MTSS2: variants seen among roughly 807,000 people sequenced by gnomAD.
MTSS2 encodes the protein protein MTSS 2.
A neutral mutation model predicts 67.1 loss-of-function variants in MTSS2; 27 were observed. That is an observed-to-expected ratio of 0.40 (90% CI 0.30 to 0.55). MTSS2 has a LOEUF of 0.55. Among genes scored for constraint, MTSS2 ranks in the 20% least tolerant of loss-of-function variants. The pLI is 0.43. For synonymous variants in MTSS2, 624 were observed against 468.6 expected (o/e 1.33, Z -4.28); for missense variants, 1,171 against 1,067.8 (o/e 1.10, Z -1.35).
Position 70,665,518 on chromosome 16 carries a change from G to T in MTSS2, c.1076C>A (p.Ser359Tyr). 4 of 1,548,522 alleles carry T rather than the reference G, an allele frequency of 2.6e-6. No homozygotes were observed. Among genetic ancestry groups the T allele is most frequent in the Non-Finnish European group, 3.5e-6 (4 of 1,147,418 alleles). ...TSQKSSSSASSEASETCQSVS... is the reference protein window; with the variant it reads ...TSQKSSSSASYEASETCQSVS... ...GGACTGGCAGGTTTCCGAGGCCTCGGAAGATGCAGAGCTGGAGGACTTCTG... is the reference window on the plus strand; with the variant it reads ...GGACTGGCAGGTTTCCGAGGCCTCGTAAGATGCAGAGCTGGAGGACTTCTG... Residue 359 changes from serine to tyrosine, a missense_variant, in exon 12 of 15, where the codon TCC (serine) becomes TAC (tyrosine). Coordinates refer to ENST00000338779, the MANE Select transcript of MTSS2 (RefSeq NM_138383.3).
At position 70,685,784 on chromosome 16, in the gene MTSS2, G is replaced by C. The variant is rs1399790841; in HGVS notation, c.8C>G (p.Thr3Arg). 7.3e-7 allele frequency: 1 copy of C among 1,371,572 alleles called. No homozygotes were observed. Among genetic ancestry groups the C allele is most frequent in the Admixed American group, 2.1e-5 (1 of 46,952 alleles). 85.0% of individuals were successfully genotyped at this position (1,371,572 alleles called of 1,614,324 possible). A position where few individuals can be genotyped will look rare whatever the true frequency, so the allele number is the denominator to read the frequency against. The stretch of plus-strand genomic sequence containing the variant: ...CAGGGCGCCGCACTCCTTCTCCGCC[G>C]TCTCCATGCTCTGGCTGGGCCGGGC... The part of the protein sequence containing the change: ME[T>R]AEKECGALGG... Residue 3 changes from threonine (T) to arginine (R), a missense_variant, in exon 1 of 15, where the codon ACG (threonine) becomes AGG (arginine). Physicochemically the swap from Thr to Arg is moderately conservative, Grantham distance 71. This residue lies in a region of MTSS2 where 247 missense variants were observed against 311.8 expected (regional missense o/e 0.79). Transcript: ENST00000338779.
rs962975247 is a variant in MTSS2, at chr16:70,661,456, TAAC to T, written c.*2218_*2220del. The stretch of plus-strand genomic sequence containing the variant: ...GAATAAATTAAAAAAAGGAACGAGT[TAAC>T]AACAGCACCAGGAAAGTTACTTCAG... On this transcript the variant is annotated 3_prime_UTR_variant, in exon 15 of 15. Transcript: ENST00000338779. 1.9e-5 allele frequency: 7 copies of T among 368,376 alleles called. No individual in the cohort carries two copies. Among genetic ancestry groups the T allele is most frequent in the Admixed American group, 3.4e-5 (1 of 29,340 alleles). The allele number at this position is 368,376 out of a possible 1,614,324, so 22.8% of individuals were successfully genotyped here.
intron 11 of MTSS2, among the ~76,000 whole-genome samples, chr16:70,668,142 G>A (rs1447589912): frequency 1.3e-5 from 2 of 152,130 alleles, no homozygotes; most frequent in East Asian, 3.9e-4. Context: ...GCTGGGTGCA[G>A]TGGCTAATGC....
In MTSS2 at chr16:70,663,920, C is replaced by T; in HGVS notation, c.2001G>A (p.Leu667=). The T allele has an allele frequency of 6.4e-7, 1 of 1,551,796 alleles. No individual in the cohort carries two copies. The highest frequency in any genetic ancestry group is 8.7e-7 in the Non-Finnish European group (1 of 1,150,614). The change falls in exon 15 of 15, where the codon CTG becomes CTA. Residue 667 remains leucine (L), a synonymous_variant. Transcript: ENST00000338779. Reference sequence around the variant, plus strand: ...CCACCAGGCTGTGCCGGTTGGCCGCCAGCTGCTGCTGCTCGTCCTCGGCCC... The same window carrying T: ...CCACCAGGCTGTGCCGGTTGGCCGCTAGCTGCTGCTGCTCGTCCTCGGCCC... ...GAGAEDEQQQ[L]AANRHSLVEK...
rs141031080 is a variant in MTSS2, at chr16:70,668,063, G to A, written c.1054-2523C>T. Among the ~76,000 whole-genome samples, 472 of 149,638 alleles carry A rather than the reference G, an allele frequency of 3.2e-3. 7 individuals are homozygous for A. The East Asian group carries it at 0.046, about 15-fold the overall frequency. ...GGAAAGGGCCGAAAATAGACAAAGC[G>A]GTACCAAAAAAAAATAACCAAGCTA... On this transcript the variant is annotated intron_variant, in intron 11 of 14. Transcript: ENST00000338779.
intron 11 of MTSS2, among the ~76,000 whole-genome samples, chr16:70,670,962 C>CCTGT (rs1466711430): frequency 7.4e-6 from 1 of 135,262 alleles, no homozygotes; most frequent in Non-Finnish European, 1.6e-5. Context: ...AGAGTGAGAC[C>CCTGT]CTGTCTCAAA....
chr16:70,678,516 G>A, intron 7 of MTSS2, 107 bp from the exon 8 acceptor site: 11 of 1,366,152 alleles, frequency 8.1e-6, no homozygotes, highest in Non-Finnish European at 1.1e-5. Flanking sequence ...GTTGGGCTGG[G>A]TGTTGCCCTG....
rs141079000 is a variant in MTSS2 at position 70,682,308 on chromosome 16, G to A, written c.70-1283C>T. 1.5e-4 allele frequency among the ~76,000 whole-genome samples: 23 copies of A among 152,306 alleles called. 1 individual carries two copies. The East Asian group carries it at 3.5e-3, about 23-fold the overall frequency. On this transcript the variant is annotated intron_variant, in intron 1 of 14. Transcript: ENST00000338779. Reference sequence around the variant, plus strand: ...GGGGCCTGGGAAGCTGTTCCTAGCCGTCCCAAGGAGTGGACTCATGCCACC... The same window carrying A: ...GGGGCCTGGGAAGCTGTTCCTAGCCATCCCAAGGAGTGGACTCATGCCACC...
rs1321109474 is a variant in MTSS2, at chr16:70,685,709, C to T, written c.69+14G>A. On this transcript the variant is annotated intron_variant, in intron 1 of 14. Transcript: ENST00000338779. ...CCCGTCGCCGCGCGCCCGGCCCCGC[C>T]GCGCCCCGGTTACCTTCATGTCGTT... 1.5e-6 allele frequency: 2 copies of T among 1,318,322 alleles called. No individual in the cohort carries two copies. Among genetic ancestry groups the T allele is most frequent in the South Asian group, 1.6e-5 (1 of 61,660 alleles). 81.7% of individuals were successfully genotyped at this position (1,318,322 alleles called of 1,614,324 possible).
rs759557493 is a variant in MTSS2 at position 70,665,356 on chromosome 16, G to A, written c.1128+110C>T. The stretch of plus-strand genomic sequence containing the variant: ...TCTTGGGGACAGGTGCTGTGTGCAC[G>A]CACCCCTGGCTGAACCCAGGCCCTT... On this transcript the variant is annotated intron_variant, in intron 12 of 14. Transcript: ENST00000338779. The A allele has an allele frequency of 1.8e-4, 217 of 1,191,148 alleles. No homozygotes were observed. In the Middle Eastern group the frequency reaches 2.2e-3, roughly 12 times the overall value. The allele number at this position is 1,191,148 out of a possible 1,614,324, so 73.8% of individuals were successfully genotyped here.
chr16:70,663,950 C>T lies in MTSS2; in HGVS notation c.1971G>A (p.Gly657=). ...GCTGCTGCTCGTCCTCGGCCCCTGCCCCGGGGTACCCGGCTGCCTCTGGGG... is the reference window on the plus strand; with the variant it reads ...GCTGCTGCTCGTCCTCGGCCCCTGCTCCGGGGTACCCGGCTGCCTCTGGGG... ...SPSPEAAGYP[G]AGAEDEQQQL... is the part of the protein sequence containing the mutation. The change falls in exon 15 of 15, where the codon GGG becomes GGA. Residue 657 remains glycine (G), a synonymous_variant. Coordinates refer to ENST00000338779, the MANE Select transcript of MTSS2 (RefSeq NM_138383.3). 1 of 1,560,640 alleles carries T rather than the reference C, an allele frequency of 6.4e-7. No individual in the cohort carries two copies. Among genetic ancestry groups the T allele is most frequent in the Non-Finnish European group, 8.7e-7 (1 of 1,154,948 alleles).
Position 70,664,050 on chromosome 16 carries a change from G to A in MTSS2, c.1871C>T (p.Ser624Leu). The change falls in exon 15 of 15, where the codon TCA becomes TTA. Residue 624 changes from serine to leucine, a missense_variant. This residue lies in a region of MTSS2 where 924 missense variants were observed against 756.0 expected (regional missense o/e 1.22). Transcript: ENST00000338779. ...ECVFYTDETA[S>L]PLAPDLAKAS... Reference sequence around the variant, plus strand: ...CTTGGCGAGGTCCGGTGCCAGGGGTGAGGCGGTCTCGTCGGTATAGAAGAC... The same window carrying A: ...CTTGGCGAGGTCCGGTGCCAGGGGTAAGGCGGTCTCGTCGGTATAGAAGAC... 1.9e-6 allele frequency: 3 copies of A among 1,610,452 alleles called. No individual in the cohort carries two copies.
chr16:70,664,750 ACCT>A lies in MTSS2; in HGVS notation c.1316_1318del (p.Glu439del), dbSNP rs748154220. The A allele has an allele frequency of 3.7e-6, 6 of 1,610,986 alleles. No individual in the cohort carries two copies. Among genetic ancestry groups the A allele is most frequent in the Admixed American group, 3.3e-5 (2 of 59,716 alleles). On this transcript the variant is annotated inframe_deletion, in exon 14 of 15. Coordinates refer to ENST00000338779, the MANE Select transcript of MTSS2 (RefSeq NM_138383.3). ...GGCCAGGTCACTGGCGGCGGGGGAC[ACCT>A]CCTCACCGTGCTGAGGGTGGGAAAG...
intron 11 of MTSS2, among the ~76,000 whole-genome samples, chr16:70,672,407 G>T (rs1160305898): frequency 2.0e-5 from 3 of 150,936 alleles, no homozygotes; most frequent in African/African-American, 7.3e-5. Flanking sequence ...TCCTGAATTG[G>T]GTCATGGACC....
At chr16:70,676,516 G>T (rs2053120580) in intron 10 of MTSS2, among the ~76,000 whole-genome samples, 1 of 152,182 alleles carries the variant, frequency 6.6e-6, no homozygotes, top group Non-Finnish European at 1.5e-5. Flanking sequence ...TTAAATGCTG[G>T]GACTTCATGT....
rs1389327898 is a variant in MTSS2 at position 70,678,141 on chromosome 16, G to A, written c.624+111C>T. The A allele has an allele frequency of 2.3e-5, 32 of 1,362,892 alleles. No homozygotes were observed. In the Admixed American group the frequency reaches 3.4e-4, roughly 15 times the overall value. 84.4% of individuals were successfully genotyped at this position (1,362,892 alleles called of 1,614,324 possible). A position where few individuals can be genotyped will look rare whatever the true frequency, so the allele number is the denominator to read the frequency against. On this transcript the variant is annotated intron_variant, in intron 8 of 14. Coordinates refer to ENST00000338779, the MANE Select transcript of MTSS2 (RefSeq NM_138383.3). ...CCTGCCTTTGGGCCAGGAGCATGTG[G>A]CCTTGATGCCCCCAGCCAGGGACTG... is the stretch of plus-strand genomic sequence containing the variant.
intron 9 of MTSS2, 40 bp downstream of exon 9, chr16:70,677,752 C>T: frequency 6.6e-7 from 1 of 1,526,336 alleles, no homozygotes; most frequent in Non-Finnish European, 8.9e-7. Context: ...CATCTCCTCC[C>T]TGCCCCTGGC....
chr16:70,665,657 C>A (rs552684509), intron 11 of MTSS2, 117 bp from the exon 12 acceptor site: 5 of 850,230 alleles, frequency 5.9e-6, no homozygotes, highest in Non-Finnish European at 9.1e-6. Flanking sequence ...TTCAATTCAG[C>A]GCCTTGCCCA....
intron 1 of MTSS2, among the ~76,000 whole-genome samples, chr16:70,685,473 ACAGGCT>A (rs1459642301): frequency 2.0e-5 from 3 of 152,038 alleles, no homozygotes; most frequent in Admixed American, 2.0e-4. Flanking sequence ...CTGCGTGTGC[ACAGGCT>A]CGGGTCAGGA....
Sources: allele counts gnomAD v4.1 joint callset (sites outside exome capture counted in the v4.1 genomes callset), GRCh38; gene constraint gnomAD v4.1.1; regional missense constraint gnomAD v4.1.1; transcripts MANE v1.5; gene names NCBI Gene and HGNC (gene_info 2026-07-23, HGNC 2026-07-21).